RAD51: variants seen among roughly 807,000 people sequenced by gnomAD.
RAD51 encodes RAD51 recombinase.
In RAD51, 14 loss-of-function variants were observed where a neutral mutation model predicts 41.5. The ratio of observed to expected loss-of-function variants is 0.34; its 90% CI spans 0.22 to 0.53. The LOEUF (loss-of-function observed/expected upper bound fraction) is 0.53, where lower values mean the gene tolerates loss of function less well. RAD51 is among the 20% of genes least tolerant of loss of function. RAD51 has a pLI of 0.95. For synonymous variants in RAD51, 136 were observed against 148.6 expected, an observed-to-expected ratio of 0.92 and a Z score of 0.62; for missense variants, 234 against 422.0, an observed-to-expected ratio of 0.55 and a Z score of 3.90.
chr15:40,726,853 C>G (rs1196072689), intron 6 of RAD51, among the ~76,000 whole-genome samples: 5 of 148,046 alleles, frequency 3.4e-5, no homozygotes, highest in East Asian at 2.0e-4. Flanking sequence ...GCGGAACTTG[C>G]AATGAGCCGA....
intron 5 of RAD51, among the ~76,000 whole-genome samples, chr15:40,715,890 C>T (rs1895962711): frequency 6.6e-6 from 1 of 152,208 alleles, no homozygotes; most frequent in African/African-American, 2.4e-5. Context: ...GTTAATATTT[C>T]CTCCTCTCCA....
In RAD51 at chr15:40,705,687, C is replaced by T. The variant is rs373841485; in HGVS notation, c.226-490C>T. 4.6e-5 allele frequency among the ~76,000 whole-genome samples: 7 copies of T among 152,320 alleles called. No individual in the cohort carries two copies. In the South Asian group the frequency reaches 1.4e-3, roughly 32 times the overall value. On this transcript the variant is annotated intron_variant, in intron 3 of 9. Transcript: ENST00000267868. ...TGGCGCGATCTCGGCTCACTGCAAG[C>T]TCCGCCTCCCGGGTTCACGCCTTTC...
At chr15:40,730,856 G>C (rs570117812) in intron 9 of RAD51, among the ~76,000 whole-genome samples, 199 bp from the exon 10 acceptor site, 195 of 151,898 alleles carry the variant, frequency 1.3e-3, no homozygotes, top group African/African-American at 4.6e-3. Context: ...GTTTCAATAT[G>C]GACAATCCAC....
At chr15:40,710,030 C>T (rs1230161087) in intron 5 of RAD51, among the ~76,000 whole-genome samples, 2 of 151,904 alleles carry the variant, frequency 1.3e-5, no homozygotes, top group Non-Finnish European at 2.9e-5. Context: ...ATCACAAGGT[C>T]AGGAGATTGA....
intron 5 of RAD51, among the ~76,000 whole-genome samples, chr15:40,710,241 C>CAAAAAAA (rs71104728): frequency 2.9e-4 from 13 of 44,300 alleles, no homozygotes; most frequent in Admixed American, 4.2e-4. Flanking sequence ...GACTCTGTCT[C>CAAAAAAA]AAAAAAAAAA....
At chr15:40,720,415 A>C (rs749006803) in intron 6 of RAD51, among the ~76,000 whole-genome samples, 1 of 152,058 alleles carries the variant, frequency 6.6e-6, no homozygotes, top group Admixed American at 6.6e-5. Context: ...TTTTCCCCCT[A>C]AAGTCAGTAA....
chr15:40,696,823 T>C (rs2619681), intron 1 of RAD51, among the ~76,000 whole-genome samples: 118,537 of 152,134 alleles, frequency 0.78, 47,198 homozygotes, highest in Non-Finnish European at 0.85. Flanking sequence ...AGTAATGTCT[T>C]AATGTGATTT....
intron 5 of RAD51, among the ~76,000 whole-genome samples, chr15:40,713,449 G>T (rs1472061785): frequency 1.3e-5 from 2 of 148,656 alleles, no homozygotes; most frequent in African/African-American, 5.0e-5. Context: ...TGCTGTGTTG[G>T]CCAGGCTGGT....
intron 7 of RAD51, among the ~76,000 whole-genome samples, 153 bp from the exon 8 acceptor site, chr15:40,729,352 G>A (rs941143975): frequency 6.3e-5 from 8 of 126,394 alleles, no homozygotes; most frequent in South Asian, 2.6e-4. Context: ...CAGCCTGGGC[G>A]ACAGAGCTAG....
chr15:40,703,147 T>G (rs569045918), intron 3 of RAD51, among the ~76,000 whole-genome samples: 14 of 152,322 alleles, frequency 9.2e-5, no homozygotes, highest in Admixed American at 6.5e-5. Context: ...TCTGATTAAG[T>G]TATAAGCTCT....
chr15:40,722,652 G>C (rs45624334), intron 6 of RAD51, among the ~76,000 whole-genome samples: 2,184 of 152,196 alleles, frequency 0.014, 58 homozygotes, highest in African/African-American at 0.05. Flanking sequence ...CTTTAAAATA[G>C]TTAAAATGCT....
At chr15:40,707,254 C>T (rs1299360104) in intron 4 of RAD51, among the ~76,000 whole-genome samples, 1 of 149,588 alleles carries the variant, frequency 6.7e-6, no homozygotes, top group Non-Finnish European at 1.5e-5. Context: ...GCCTCAGCCT[C>T]CCAAAGTGCT....
rs45534837 is a variant in RAD51 at position 40,717,656 on chromosome 15, C to G, written c.436-1149C>G. 2.4e-4 allele frequency among the ~76,000 whole-genome samples: 36 copies of G among 152,022 alleles called. 1 individual carries two copies. The East Asian group carries it at 7.0e-3, about 29-fold the overall frequency. On this transcript the variant is annotated intron_variant, in intron 5 of 9. Coordinates refer to ENST00000267868, the MANE Select transcript of RAD51 (RefSeq NM_002875.5). ...TATTTTTCTGTTTTCTCCAATTGTT[C>G]ATTTTAAACATCTTGTTTATACTAT...
At chr15:40,726,742 G>A (rs1051600955) in intron 6 of RAD51, among the ~76,000 whole-genome samples, 13 of 151,484 alleles carry the variant, frequency 8.6e-5, no homozygotes, top group South Asian at 2.1e-4. Flanking sequence ...GTGAAACCCC[G>A]TCTCTACTAA....
At chr15:40,700,809 TA>T (rs1260301171) in intron 2 of RAD51, among the ~76,000 whole-genome samples, 1 of 152,124 alleles carries the variant, frequency 6.6e-6, no homozygotes, top group Non-Finnish European at 1.5e-5. Flanking sequence ...CAAAAAAAAG[TA>T]TACAGGAGGA....
intron 7 of RAD51, 107 bp from the exon 8 acceptor site, chr15:40,729,395 AAAT>A: frequency 6.4e-5 from 76 of 1,190,808 alleles, no homozygotes; most frequent in East Asian, 8.2e-5. Flanking sequence ...AAAAAAAAAA[AAAT>A]CTGTATACAG....
chr15:40,698,688 T>C, intron 1 of RAD51, 69 bp from the exon 2 acceptor site: 2 of 1,419,380 alleles, frequency 1.4e-6, no homozygotes, highest in South Asian at 1.2e-5. Context: ...ACTAGCTAGA[T>C]AGAAGATGGG....
At position 40,731,004 on chromosome 15, in the gene RAD51, G is replaced by C. The variant is rs191350197; in HGVS notation, c.897-51G>C. The C allele has an allele frequency of 7.4e-5, 119 of 1,612,366 alleles. 1 individual carries two copies. The Admixed American group carries it at 8.2e-4, about 11-fold the overall frequency. On this transcript the variant is annotated intron_variant, in intron 9 of 9. Coordinates refer to ENST00000267868, the MANE Select transcript of RAD51 (RefSeq NM_002875.5). The stretch of plus-strand genomic sequence containing the variant: ...CAGCTCTGTTACAAAGTCAGGAACG[G>C]AATTGTTTAATTATAATAAATTGGT...
At chr15:40,728,608 C>G (rs1407372379) in intron 6 of RAD51, 103 bp from the exon 7 acceptor site, 21 of 933,164 alleles carry the variant, frequency 2.3e-5, no homozygotes, top group Non-Finnish European at 3.5e-5. Context: ...ACTGTCAGTA[C>G]CACTTCTTCC....
Sources: gnomAD v4.1 joint callset for allele counts (sites outside exome capture counted in the v4.1 genomes callset) on GRCh38, gnomAD v4.1.1 for gene constraint, MANE v1.5 for transcripts, NCBI Gene and HGNC (gene_info 2026-07-23, HGNC 2026-07-21) for gene names.